The following TNS3 variants were observed in gnomAD, a reference collection of about 807,000 sequenced individuals.
TNS3 encodes the protein tensin 3, also known as tensin-3.
In TNS3, 45 loss-of-function variants were observed where a neutral mutation model predicts 140.9. The ratio of observed to expected loss-of-function variants is 0.32; its 90% CI spans 0.25 to 0.41. The LOEUF is 0.41. TNS3 is among the 10% of genes least tolerant of loss of function. The pLI, the probability that TNS3 is intolerant of heterozygous loss-of-function variation, is 1.00. For missense variants in TNS3, 1,716 were observed against 1,906.7 expected (o/e 0.90, Z 1.86); for synonymous variants, 815 against 788.4 (o/e 1.03, Z -0.56).
intron 17 of TNS3, among the ~76,000 whole-genome samples, chr7:47,355,339 C>T (rs767761457): frequency 6.6e-6 from 1 of 152,218 alleles, no homozygotes; most frequent in Admixed American, 6.5e-5. Context: ...TCCAAAGCCA[C>T]CACAACAGGG....
At chr7:47,554,317 C>G (rs547239296) in intron 1 of TNS3, among the ~76,000 whole-genome samples, 11 of 151,320 alleles carry the variant, frequency 7.3e-5, no homozygotes, top group African/African-American at 2.7e-4. Context: ...ACTCGGGAGG[C>G]CGAGACAGGA....
At chr7:47,394,864 C>T (rs990710372) in intron 16 of TNS3, among the ~76,000 whole-genome samples, 1 of 152,252 alleles carries the variant, frequency 6.6e-6, no homozygotes, top group African/African-American at 2.4e-5. Flanking sequence ...AAGGATAAAG[C>T]CTGCCCCGCA....
rs554025991 is a variant in TNS3, at chr7:47,415,149, G to A, written c.531C>T (p.Pro177=). Residue 177 remains proline (P), a synonymous_variant, in exon 11 of 31, where the codon CCC becomes CCT. Transcript: ENST00000311160. ...LSGSVKMNAS[P]LFLHFVILHG... The stretch of plus-strand genomic sequence containing the variant: ...GGAGGATGACAAAATGCAGGAACAG[G>A]GGAGAGGCATTCATTTTCACCGATC... 1 of 1,611,766 alleles carries A rather than the reference G, an allele frequency of 6.2e-7. No homozygotes were observed. Among genetic ancestry groups the A allele is most frequent in the East Asian group, 2.2e-5 (1 of 44,682 alleles).
chr7:47,409,936 C>T (rs561470531), intron 13 of TNS3, among the ~76,000 whole-genome samples: 6 of 152,296 alleles, frequency 3.9e-5, no homozygotes, highest in East Asian at 1.9e-4. Context: ...GGATTACAGG[C>T]GTGAGCCACT....
intron 1 of TNS3, among the ~76,000 whole-genome samples, chr7:47,552,553 T>A (rs1384725086): frequency 1.3e-5 from 2 of 152,208 alleles, no homozygotes; most frequent in African/African-American, 4.8e-5. Flanking sequence ...TATTATTATA[T>A]CTTTCATGGT....
rs1340201271 is a variant in TNS3 at position 47,389,154 on chromosome 7, A to AAGAAGAAGAAGCAGC, written c.1024+7645_1024+7646insGCTGCTTCTTCTTCT. Among the ~76,000 whole-genome samples the AAGAAGAAGAAGCAGC allele has an allele frequency of 1.3e-3, 108 of 82,296 alleles. 35 individuals carry two copies. Among genetic ancestry groups the AAGAAGAAGAAGCAGC allele is most frequent in the African/African-American group, 4.3e-3 (101 of 23,748 alleles). The allele number at this position is 82,296 out of a possible 152,430, so 54.0% of individuals were successfully genotyped here. On this transcript the variant is annotated intron_variant, in intron 16 of 30. Coordinates refer to ENST00000311160, the MANE Select transcript of TNS3 (RefSeq NM_022748.12). ...GAAGAAGAAGAAGAAGAAGAAGAAG[A>AAGAAGAAGAAGCAGC]AGCAGAAGAAGCAGCAGAAGCAGAA...
chr7:47,492,176 T>C (rs561824763), intron 3 of TNS3, among the ~76,000 whole-genome samples: 7 of 152,300 alleles, frequency 4.6e-5, no homozygotes, highest in African/African-American at 7.2e-5. Flanking sequence ...CAGGGAGTCA[T>C]CATCTCATGT....
At chr7:47,401,152 G>A (rs369550899) in intron 13 of TNS3, among the ~76,000 whole-genome samples, 10 of 152,184 alleles carry the variant, frequency 6.6e-5, no homozygotes, top group East Asian at 3.9e-4. Flanking sequence ...AGGCTTCAAT[G>A]TGTTCCCTGT....
intron 27 of TNS3, among the ~76,000 whole-genome samples, chr7:47,289,685 A>C (rs2150592623): frequency 6.6e-6 from 1 of 152,352 alleles, no homozygotes. Flanking sequence ...TATAAATCTA[A>C]CAAACTATAG....
rs541229966 is a variant in TNS3 at position 47,537,164 on chromosome 7, C to T, written c.-264-8017G>A. On this transcript the variant is annotated intron_variant, in intron 1 of 30. Transcript: ENST00000311160. Reference sequence around the variant, plus strand: ...TCGGCCGGGCGAGGGTGGCCGCTGACCCCTCCCCAGCGGCTATCTGGGGGG... The same window carrying T: ...TCGGCCGGGCGAGGGTGGCCGCTGATCCCTCCCCAGCGGCTATCTGGGGGG... Among the ~76,000 whole-genome samples, 15 of 152,134 alleles carry T rather than the reference C, an allele frequency of 9.9e-5. No homozygotes were observed. The South Asian group carries it at 2.9e-3, about 29-fold the overall frequency.
chr7:47,352,392 G>A (rs941655907), intron 17 of TNS3, among the ~76,000 whole-genome samples: 4 of 152,062 alleles, frequency 2.6e-5, no homozygotes, highest in South Asian at 2.1e-4. Flanking sequence ...AGTCTCACAC[G>A]CTCACTCACA....
chr7:47,277,885 T>A lies in TNS3; in HGVS notation c.*191A>T. The A allele has an allele frequency of 1.4e-6, 1 of 735,828 alleles. No individual in the cohort carries two copies. Among genetic ancestry groups the A allele is most frequent in the Non-Finnish European group, 2.4e-6 (1 of 421,114 alleles). 45.6% of individuals were successfully genotyped at this position (735,828 alleles called of 1,614,324 possible). A position where few individuals can be genotyped will look rare whatever the true frequency, so the allele number is the denominator to read the frequency against. On this transcript the variant is annotated 3_prime_UTR_variant, in exon 31 of 31. Transcript: ENST00000311160. ...TACAGAGATGTGTCAGATAAGTCAC[T>A]TTCAGGAAAGGCCAATTCACGGTGA...
At chr7:47,438,724 C>T (rs1795314529) in intron 6 of TNS3, among the ~76,000 whole-genome samples, 1 of 152,212 alleles carries the variant, frequency 6.6e-6, no homozygotes, top group South Asian at 2.1e-4. Flanking sequence ...CTCCCAGCCA[C>T]TGGTGCCCCA....
In TNS3 at chr7:47,450,321, T is replaced by A. The variant is rs185478089; in HGVS notation, c.-75-8266A>T. Among the ~76,000 whole-genome samples the A allele has an allele frequency of 9.8e-5, 15 of 152,306 alleles. No homozygotes were observed. In the East Asian group the frequency reaches 2.9e-3, roughly 29 times the overall value. ...TCCTTCCCAAGGTCATAACATGGAA[T>A]AACTGGGGCCTATTTAGGAAGACAG... On this transcript the variant is annotated intron_variant, in intron 4 of 30. Transcript: ENST00000311160.
At chr7:47,311,565 A>G (rs1196921375) in intron 20 of TNS3, among the ~76,000 whole-genome samples, 4 of 152,202 alleles carry the variant, frequency 2.6e-5, no homozygotes. Flanking sequence ...AAACACAGCA[A>G]AAGAAATTGT....
At position 47,396,791 on chromosome 7, in the gene TNS3, C is replaced by T; in HGVS notation, c.1024+9G>A. 6.2e-7 allele frequency: 1 copy of T among 1,607,816 alleles called. No homozygotes were observed. Among genetic ancestry groups the T allele is most frequent in the Admixed American group, 1.7e-5 (1 of 60,018 alleles). Reference sequence around the variant, plus strand: ...CCTCCATAACTGCACACAAGATGAACACACGCACCTTCTCCATCTGCACTG... The same window carrying T: ...CCTCCATAACTGCACACAAGATGAATACACGCACCTTCTCCATCTGCACTG... On this transcript the variant is annotated intron_variant, in intron 16 of 30. Coordinates refer to ENST00000311160, the MANE Select transcript of TNS3 (RefSeq NM_022748.12).
intron 7 of TNS3, among the ~76,000 whole-genome samples, chr7:47,435,988 T>TCCACAGTGGC (rs755972917): frequency 3.3e-5 from 5 of 152,182 alleles, no homozygotes; most frequent in Non-Finnish European, 2.9e-5. Context: ...CACACACAAG[T>TCCACAGTGGC]CCACAGTGGC....
intron 1 of TNS3, among the ~76,000 whole-genome samples, chr7:47,571,014 G>C (rs1800542043): frequency 6.6e-6 from 1 of 152,088 alleles, no homozygotes; most frequent in Non-Finnish European, 1.5e-5. Flanking sequence ...GACCACTCTG[G>C]AAGGGACATA....
chr7:47,548,692 G>A (rs891786942), intron 1 of TNS3, among the ~76,000 whole-genome samples: 38 of 152,074 alleles, frequency 2.5e-4, no homozygotes, highest in African/African-American at 8.5e-4. Context: ...TCCTCCCTGT[G>A]AATGCACCCC....
Sources: gnomAD v4.1 joint callset for allele counts (sites outside exome capture counted in the v4.1 genomes callset) on GRCh38, gnomAD v4.1.1 for gene constraint, MANE v1.5 for transcripts, NCBI Gene and HGNC (gene_info 2026-07-23, HGNC 2026-07-21) for gene names.